The following DLG2 variants were observed in gnomAD, a reference collection of about 807,000 sequenced individuals.
DLG2 encodes the protein disks large homolog 2.
A neutral mutation model predicts 132.5 loss-of-function variants in DLG2; 45 were observed. The observed-to-expected ratio is 0.34, with a 90% CI of 0.27 to 0.44. The LOEUF (loss-of-function observed/expected upper bound fraction) is 0.44. DLG2 is among the 20% of genes least tolerant of loss of function. The pLI is 1.00. For synonymous variants in DLG2, 424 were observed against 419.6 expected (o/e 1.01, Z -0.13); for missense variants, 1,045 against 1,196.9 (o/e 0.87, Z 1.87).
chr11:84,157,241 A>G (rs1435382706), intron 9 of DLG2, among the ~76,000 whole-genome samples: 2 of 152,186 alleles, frequency 1.3e-5, no homozygotes, highest in Admixed American at 6.5e-5. Context: ...TATATTTTGC[A>G]TATTTGAAAT....
chr11:83,505,567 A>C (rs891506407), intron 21 of DLG2, among the ~76,000 whole-genome samples: 6 of 152,178 alleles, frequency 3.9e-5, no homozygotes, highest in Non-Finnish European at 8.8e-5. Flanking sequence ...CCTCTCAGAG[A>C]GGTCCATCCA....
At chr11:84,330,074 T>C (rs975007496) in intron 7 of DLG2, among the ~76,000 whole-genome samples, 2 of 152,202 alleles carry the variant, frequency 1.3e-5, no homozygotes, top group African/African-American at 4.8e-5. Flanking sequence ...ACTTAGCACA[T>C]TACCTGGCAC....
rs190509369 is a variant in DLG2, at chr11:84,356,206, G to A, written c.520-104915C>T. Reference sequence around the variant, plus strand: ...TTATCCATTTCTATAGCAGGAAATTGTAATTACCACAAATGTACATAATAA... The same window carrying A: ...TTATCCATTTCTATAGCAGGAAATTATAATTACCACAAATGTACATAATAA... On this transcript the variant is annotated intron_variant, in intron 7 of 27. Coordinates refer to ENST00000376104, the MANE Select transcript of DLG2 (RefSeq NM_001142699.3). Among the ~76,000 whole-genome samples the A allele has an allele frequency of 1.1e-3, 164 of 152,214 alleles. 1 individual carries two copies. The highest frequency in any genetic ancestry group is 3.1e-3 in the Admixed American group (47 of 15,282).
intron 7 of DLG2, among the ~76,000 whole-genome samples, chr11:84,494,515 G>C (rs1010133690): frequency 6.6e-6 from 1 of 152,194 alleles, no homozygotes; most frequent in Non-Finnish European, 1.5e-5. Flanking sequence ...ACTGACCCAG[G>C]CAGATGGAGA....
At chr11:84,968,506 A>G (rs1269553138) in intron 6 of DLG2, among the ~76,000 whole-genome samples, 1 of 152,182 alleles carries the variant, frequency 6.6e-6, no homozygotes, top group Non-Finnish European at 1.5e-5. Context: ...ATGAACTCCA[A>G]TCCAGAATGA....
At chr11:84,138,548 C>CACTAAACACTAAACACTAAACTA (rs1272158163) in intron 9 of DLG2, among the ~76,000 whole-genome samples, 2 of 152,182 alleles carry the variant, frequency 1.3e-5, no homozygotes, top group Non-Finnish European at 2.9e-5. Context: ...CTAACACTGA[C>CACTAAACACTAAACACTAAACTA]ACAAGTTTAA....
chr11:83,688,491 CA>C (rs2080234011), intron 18 of DLG2, among the ~76,000 whole-genome samples: 1 of 152,066 alleles, frequency 6.6e-6, no homozygotes, highest in Non-Finnish European at 1.5e-5. Flanking sequence ...AGATTTACAG[CA>C]ACTGGATGAC....
Position 84,039,502 on chromosome 11 carries a change from G to A in DLG2, c.919+19813C>T, listed in dbSNP as rs563456208. Among the ~76,000 whole-genome samples, 191 of 93,238 alleles carry A rather than the reference G, an allele frequency of 2.0e-3. 1 individual carries two copies. Among genetic ancestry groups the A allele is most frequent in the African/African-American group, 6.2e-3 (175 of 28,208 alleles). The allele number at this position is 93,238 out of a possible 152,430, so 61.2% of individuals were successfully genotyped here. ...TTTTGTTCTTGCGATAGTTTACTGA[G>A]AATGATGATTTCCAATTTCATCCAT... On this transcript the variant is annotated intron_variant, in intron 11 of 27. Coordinates refer to ENST00000376104, the MANE Select transcript of DLG2 (RefSeq NM_001142699.3).
chr11:85,476,068 T>C (rs187994122), intron 3 of DLG2, among the ~76,000 whole-genome samples: 110 of 152,212 alleles, frequency 7.2e-4, no homozygotes, highest in African/African-American at 2.6e-3. Context: ...CAATAGAGTG[T>C]ACTTACACAA....
chr11:85,314,681 T>C (rs1006228788), intron 3 of DLG2, among the ~76,000 whole-genome samples: 2 of 151,910 alleles, frequency 1.3e-5, no homozygotes, highest in Admixed American at 6.6e-5. Flanking sequence ...CAAAGAAACG[T>C]GCAAAGCAAT....
intron 8 of DLG2, among the ~76,000 whole-genome samples, chr11:84,211,579 C>T (rs1017258423): frequency 1.7e-4 from 26 of 152,042 alleles, no homozygotes; most frequent in Non-Finnish European, 3.2e-4. Context: ...AAAGGGAAAG[C>T]TTATGGGTAA....
At chr11:83,522,640 C>G (rs1174824714) in intron 21 of DLG2, among the ~76,000 whole-genome samples, 2 of 152,066 alleles carry the variant, frequency 1.3e-5, no homozygotes, top group Admixed American at 1.3e-4. Flanking sequence ...GTGCCATGAA[C>G]TATTTTAGGC....
At chr11:85,412,750 C>CAT (rs2089439847) in intron 3 of DLG2, among the ~76,000 whole-genome samples, 1 of 139,354 alleles carries the variant, frequency 7.2e-6, no homozygotes, top group African/African-American at 2.7e-5. Context: ...CACACACACA[C>CAT]ACACACACAC....
chr11:83,903,705 T>G (rs937424411), intron 15 of DLG2, among the ~76,000 whole-genome samples: 3 of 152,174 alleles, frequency 2.0e-5, no homozygotes, highest in African/African-American at 7.2e-5. Flanking sequence ...CTTTATATTT[T>G]CAACCAATTC....
intron 6 of DLG2, among the ~76,000 whole-genome samples, chr11:84,945,760 C>A (rs1051672431): frequency 2.0e-5 from 3 of 152,116 alleles, no homozygotes; most frequent in Non-Finnish European, 4.4e-5. Context: ...GCCACCCTTG[C>A]TGGTGTATCA....
At chr11:84,802,566 T>C (rs1259909103) in intron 6 of DLG2, among the ~76,000 whole-genome samples, 1 of 151,794 alleles carries the variant, frequency 6.6e-6, no homozygotes, top group East Asian at 1.9e-4. Context: ...GGTATTTTTC[T>C]TCTCTTCTCT....
intron 3 of DLG2, among the ~76,000 whole-genome samples, chr11:85,292,645 G>GAAGC (rs2078967855): frequency 2.9e-5 from 1 of 34,852 alleles, no homozygotes; most frequent in African/African-American, 1.2e-4. Flanking sequence ...AGGAAGGAAG[G>GAAGC]AAGGAAGGAA....
Position 84,534,628 on chromosome 11 carries a change from A to C in DLG2, c.461T>G (p.Leu154Arg), listed in dbSNP as rs2099350949. 6 of 1,614,028 alleles carry C rather than the reference A, an allele frequency of 3.7e-6. No individual in the cohort carries two copies. In the East Asian group the frequency reaches 1.3e-4, roughly 36 times the overall value. ...TCCATGGACATTTTCTATTTGAGAG[A>C]GGTTCTTTTCTGATACATGCACGAG... ...PELVHVSEKN[L>R]SQIENVHGYV... Residue 154 changes from leucine (L) to arginine (R), a missense_variant, in exon 7 of 28, where the codon CTC (leucine) becomes CGC (arginine). Physicochemically the swap from Leu to Arg is moderately radical, Grantham distance 102 (BLOSUM62 -2). This residue lies in a region of DLG2 where 277 missense variants were observed against 238.2 expected (regional missense o/e 1.16). Transcript: ENST00000376104.
intron 6 of DLG2, among the ~76,000 whole-genome samples, chr11:84,596,429 G>C (rs1413401955): frequency 6.7e-6 from 1 of 149,608 alleles, no homozygotes; most frequent in Non-Finnish European, 1.5e-5. Flanking sequence ...CGACACGTTG[G>C]CCAGGCTCCT....
Sources: gnomAD v4.1 joint callset for allele counts (sites outside exome capture counted in the v4.1 genomes callset) on GRCh38, gnomAD v4.1.1 for gene constraint, gnomAD v4.1.1 regional missense constraint, MANE v1.5 for transcripts, NCBI Gene and HGNC (gene_info 2026-07-23, HGNC 2026-07-21) for gene names.